Variants in LPCAT1 observed in about 807,000 individuals in gnomAD.
LPCAT1 encodes lysophosphatidylcholine acyltransferase 1.
In LPCAT1, 23 loss-of-function variants were observed where a neutral mutation model predicts 60.9. The ratio of observed to expected loss-of-function variants is 0.38; its 90% CI spans 0.27 to 0.53. The LOEUF is 0.53. LPCAT1 is among the 20% of genes least tolerant of loss of function. LPCAT1 has a pLI of 0.82. For missense variants in LPCAT1, 622 were observed against 723.6 expected, an observed-to-expected ratio of 0.86 and a Z score of 1.61; for synonymous variants, 340 against 301.1, an observed-to-expected ratio of 1.13 and a Z score of -1.34.
rs1292747599 is a variant in LPCAT1 at position 1,476,254 on chromosome 5, C to G, written c.899+1150G>C. ...GGTGCTGGGCTTGGAGGTGGGAATG[C>G]ATTCCCCTGGCTCGGCGCCTACTCA... On this transcript the variant is annotated intron_variant, in intron 9 of 13. Coordinates refer to ENST00000283415, the MANE Select transcript of LPCAT1 (RefSeq NM_024830.5). The surrounding 1 kb of genome is among the most constrained non-coding windows in gnomAD (Gnocchi z 8.6). Among the ~76,000 whole-genome samples the G allele has an allele frequency of 6.6e-6, 1 of 152,160 alleles. No homozygotes were observed. Among genetic ancestry groups the G allele is most frequent in the Non-Finnish European group, 1.5e-5 (1 of 68,026 alleles).
intron 13 of LPCAT1, among the ~76,000 whole-genome samples, chr5:1,464,214 G>A (rs946481140): frequency 1.3e-5 from 2 of 152,232 alleles, no homozygotes; most frequent in Non-Finnish European, 2.9e-5. Flanking sequence ...GGCGCTCTGA[G>A]GGGGTGCCCT....
chr5:1,483,211 T>C lies in LPCAT1; in HGVS notation c.726+217A>G, dbSNP rs1427341144. Among the ~76,000 whole-genome samples, 3 of 152,030 alleles carry C rather than the reference T, an allele frequency of 2.0e-5. No homozygotes were observed. Among genetic ancestry groups the C allele is most frequent in the Non-Finnish European group, 4.4e-5 (3 of 67,994 alleles). ...ATGGGGTTGATCAGGGACACGTGCA[T>C]AGAACAGGCCGCACTCAGGAACGTG... On this transcript the variant is annotated intron_variant, in intron 6 of 13. Coordinates refer to ENST00000283415, the MANE Select transcript of LPCAT1 (RefSeq NM_024830.5). The surrounding 1 kb of genome is among the most constrained non-coding windows in gnomAD (Gnocchi z 9.2).
intron 11 of LPCAT1, 95 bp from the exon 12 acceptor site, chr5:1,471,019 A>G: frequency 2.2e-6 from 2 of 925,058 alleles, no homozygotes; most frequent in Non-Finnish European, 3.4e-6. Flanking sequence ...ATTAAAGGCC[A>G]GTCCCACTCT....
At chr5:1,466,065 C>T (rs1163012596) in intron 13 of LPCAT1, among the ~76,000 whole-genome samples, 1 of 152,256 alleles carries the variant, frequency 6.6e-6, no homozygotes, top group Admixed American at 6.5e-5. Flanking sequence ...GTGGGGATTG[C>T]GGCATCCACT....
chr5:1,506,781 C>A (rs1736199897), intron 1 of LPCAT1, among the ~76,000 whole-genome samples: 1 of 152,238 alleles, frequency 6.6e-6, no homozygotes, highest in Non-Finnish European at 1.5e-5. Flanking sequence ...AGTGGAGGCA[C>A]CGGGCACAGC....
At chr5:1,472,363 G>A (rs1734717852) in intron 11 of LPCAT1, among the ~76,000 whole-genome samples, 1 of 152,094 alleles carries the variant, frequency 6.6e-6, no homozygotes, top group Admixed American at 6.5e-5. Flanking sequence ...GTCCCTGAAG[G>A]TCTTCTGAGG....
intron 3 of LPCAT1, among the ~76,000 whole-genome samples, chr5:1,493,776 G>A (rs566929805): frequency 6.6e-6 from 1 of 152,376 alleles, no homozygotes; most frequent in East Asian, 1.9e-4. Context: ...ATGGGATGCG[G>A]CCCCCAAAGA....
intron 4 of LPCAT1, 40 bp downstream of exon 4, chr5:1,489,706 A>G (rs1735501720): frequency 1.4e-6 from 2 of 1,438,602 alleles, no homozygotes; most frequent in African/African-American, 2.8e-5. Context: ...CATCTTTCGG[A>G]ATAAAACCAC....
intron 6 of LPCAT1, among the ~76,000 whole-genome samples, chr5:1,482,502 GGGGT>G (rs1735191048): frequency 7.3e-5 from 2 of 27,226 alleles, no homozygotes; most frequent in Admixed American, 3.3e-4. Context: ...AGGCTGGGGT[GGGGT>G]GGGGTGGGCT....
At chr5:1,463,932 C>T (rs1734217199) in intron 13 of LPCAT1, 97 bp from the exon 14 acceptor site, 1 of 1,269,348 alleles carries the variant, frequency 7.9e-7, no homozygotes, top group Non-Finnish European at 1.1e-6. Flanking sequence ...GTGTCCACCT[C>T]ACGCCCTCCA....
At position 1,466,752 on chromosome 5, in the gene LPCAT1, A is replaced by T; in HGVS notation, c.1417T>A (p.Phe473Ile). Residue 473 changes from phenylalanine to isoleucine, a missense_variant, in exon 13 of 14, where the codon TTC (phenylalanine) becomes ATC (isoleucine). Phe to Ile is a conservative substitution (Grantham distance 21). Transcript: ENST00000283415. The part of the protein sequence containing the change: ...IDQEEKGKIT[F>I]ADFHRFAEMY... The stretch of plus-strand genomic sequence containing the variant: ...GACCCCACTCCTGCGGGCTCACCGA[A>T]TGTGATCTTCCCCTTCTCCTCTTGG... 1 of 1,610,928 alleles carries T rather than the reference A, an allele frequency of 6.2e-7. No homozygotes were observed. Among genetic ancestry groups the T allele is most frequent in the Non-Finnish European group, 8.5e-7 (1 of 1,178,198 alleles).
chr5:1,501,065 A>G lies in LPCAT1; in HGVS notation c.278+396T>C, dbSNP rs1019162656. On this transcript the variant is annotated intron_variant, in intron 2 of 13. Coordinates refer to ENST00000283415, the MANE Select transcript of LPCAT1 (RefSeq NM_024830.5). Reference sequence around the variant, plus strand: ...GCCAGAGCTGAGGGTCTGAGGTGGGAGGGGTAAGGGGGCTGGCAGTCACAA... The same window carrying G: ...GCCAGAGCTGAGGGTCTGAGGTGGGGGGGGTAAGGGGGCTGGCAGTCACAA... 8.5e-5 allele frequency among the ~76,000 whole-genome samples: 13 copies of G among 152,186 alleles called. 1 individual carries two copies. The highest frequency in any genetic ancestry group is 3.1e-4 in the African/African-American group (13 of 41,520).
intron 2 of LPCAT1, among the ~76,000 whole-genome samples, chr5:1,498,539 ACACT>A (rs1366981510): frequency 3.3e-5 from 5 of 152,166 alleles, no homozygotes; most frequent in Admixed American, 6.5e-5. Flanking sequence ...ATGCACACAC[ACACT>A]CATACATATG....
rs865822780 is a variant in LPCAT1 at position 1,463,715 on chromosome 5, C to A, written c.1541G>T (p.Cys514Phe). Residue 514 changes from cysteine (C) to phenylalanine (F), a missense_variant, in exon 14 of 14, where the codon TGT (cysteine) becomes TTT (phenylalanine). By Grantham distance (205) the Cys-to-Phe change is radical (BLOSUM62 -2). Around this residue, in one of 3 missense-constraint regions of LPCAT1, gnomAD observed 288 missense variants for 283.6 expected, o/e 1.02. Coordinates refer to ENST00000283415, the MANE Select transcript of LPCAT1 (RefSeq NM_024830.5). ...TGAGTTTTCCGGGCTGAAATCGGCA[C>A]AGAAGCCGTTTGGGATTGGCGCAGG... ...TSPAPIPNGFCADFSPENSDA... is the reference protein window; with the variant it reads ...TSPAPIPNGFFADFSPENSDA... 3 of 1,614,260 alleles carry A rather than the reference C, an allele frequency of 1.9e-6. No homozygotes were observed. Among genetic ancestry groups the A allele is most frequent in the South Asian group, 2.2e-5 (2 of 91,088 alleles).
chr5:1,469,561 G>C (rs900374513), intron 12 of LPCAT1, among the ~76,000 whole-genome samples: 7 of 152,220 alleles, frequency 4.6e-5, no homozygotes, highest in South Asian at 2.1e-4. Context: ...CGGATCACTT[G>C]AGGCCAGGAG....
At position 1,501,609 on chromosome 5, in the gene LPCAT1, G is replaced by A. The variant is rs751332313; in HGVS notation, c.136-6C>T. On this transcript the variant is annotated splice_polypyrimidine_tract_variant and splice_region_variant and intron_variant, in intron 1 of 13. Coordinates refer to ENST00000283415, the MANE Select transcript of LPCAT1 (RefSeq NM_024830.5). ...GTCAGTGTCATGAGGGCCACCTGCA[G>A]ACAGAGGGGGGCATTATCCAGAGAA... The A allele has an allele frequency of 1.9e-6, 3 of 1,613,552 alleles. No individual in the cohort carries two copies. Among genetic ancestry groups the A allele is most frequent in the Non-Finnish European group, 2.5e-6 (3 of 1,179,750 alleles).
intron 3 of LPCAT1, among the ~76,000 whole-genome samples, chr5:1,493,972 C>T (rs919326088): frequency 2.0e-5 from 3 of 152,238 alleles, no homozygotes; most frequent in African/African-American, 7.2e-5. Context: ...GAGGCAGAGT[C>T]AGAGGGACGC....
rs773358299 is a variant in LPCAT1, at chr5:1,473,983, C to T, written c.1153G>A (p.Glu385Lys). The T allele has an allele frequency of 4.3e-6, 7 of 1,614,198 alleles. No homozygotes were observed. Among genetic ancestry groups the T allele is most frequent in the Non-Finnish European group, 5.9e-6 (7 of 1,180,038 alleles). ...TCGTCGAACAGTGAAAACATGTCTT[C>T]CAGCAAGTCAGAAACGGGGACTTCC... ...SLEVPVSDLL[E>K]DMFSLFDESG... is the part of the protein sequence containing the mutation. The change falls in exon 11 of 14, where the codon GAA becomes AAA. Residue 385 changes from glutamate to lysine, a missense_variant. Transcript: ENST00000283415.
intron 9 of LPCAT1, among the ~76,000 whole-genome samples, chr5:1,475,140 G>A (rs186161000): frequency 5.9e-5 from 9 of 152,334 alleles, no homozygotes; most frequent in African/African-American, 2.2e-4. Flanking sequence ...AGAGTGAGGC[G>A]GGCTGTGCCC....
Sources: allele counts gnomAD v4.1 joint callset (sites outside exome capture counted in the v4.1 genomes callset), GRCh38; gene constraint gnomAD v4.1.1; regional missense constraint gnomAD v4.1.1; non-coding constraint Gnocchi (gnomAD v3.1); transcripts MANE v1.5; gene names NCBI Gene and HGNC (gene_info 2026-07-23, HGNC 2026-07-21).